DNAH6: variants seen among roughly 807,000 people sequenced by gnomAD.
The protein encoded by DNAH6 is dynein axonemal heavy chain 6, also known as axonemal beta dynein heavy chain 6.
Under a neutral mutation model 491.4 loss-of-function variants are expected in DNAH6, and 340 were observed. That is an observed-to-expected ratio of 0.69 (90% CI 0.63 to 0.76). DNAH6 has a LOEUF of 0.76. Ranked by LOEUF, DNAH6 falls within the 30% of genes least tolerant of loss-of-function variation. The pLI, the probability that DNAH6 is intolerant of heterozygous loss-of-function variation, is 0.00. For missense variants in DNAH6, 4,443 were observed against 4,972.2 expected, an observed-to-expected ratio of 0.89 and a Z score of 3.20; for synonymous variants, 1,603 against 1,686.1, an observed-to-expected ratio of 0.95 and a Z score of 1.21.
chr2:84,681,654 C>T (rs1455746186), intron 42 of DNAH6, 126 bp downstream of exon 42: 8 of 751,282 alleles, frequency 1.1e-5, no homozygotes, highest in Non-Finnish European at 1.3e-5. Context: ...ATCACCTGTT[C>T]CTATTCAGGC....
At chr2:84,554,980 A>G (rs1187605141) in intron 10 of DNAH6, among the ~76,000 whole-genome samples, 1 of 152,234 alleles carries the variant, frequency 6.6e-6, no homozygotes, top group East Asian at 1.9e-4. Flanking sequence ...TGAAACATAC[A>G]TGGTCAAGCT....
At chr2:84,736,097 A>G (rs550809284) in intron 62 of DNAH6, among the ~76,000 whole-genome samples, 1 of 152,120 alleles carries the variant, frequency 6.6e-6, no homozygotes, top group African/African-American at 2.4e-5. Context: ...TTCCCAGCTC[A>G]TTTATTGAAT....
At chr2:84,700,149 G>A (rs543668906) in intron 48 of DNAH6, among the ~76,000 whole-genome samples, 95 of 152,292 alleles carry the variant, frequency 6.2e-4, no homozygotes, top group African/African-American at 2.1e-3. Flanking sequence ...CAAGCGGCAT[G>A]CATGTGTGCT....
At position 84,652,933 on chromosome 2, in the gene DNAH6, T is replaced by C. The variant is rs545161037; in HGVS notation, c.5079-386T>C. ...TATAAATATAATTTTTAAACAAAAT[T>C]TTAAAATAATTTTAAATTTTTAAGT... On this transcript the variant is annotated intron_variant, in intron 33 of 76. Coordinates refer to ENST00000389394, the MANE Select transcript of DNAH6 (RefSeq NM_001370.2). Among the ~76,000 whole-genome samples, 250 of 152,004 alleles carry C rather than the reference T, an allele frequency of 1.6e-3. 1 individual carries two copies. Among genetic ancestry groups the C allele is most frequent in the African/African-American group, 5.6e-3 (232 of 41,570 alleles).
At position 84,557,764 on chromosome 2, in the gene DNAH6, T is replaced by G; in HGVS notation, c.1632T>G (p.Cys544Trp). ...GTATTTTGGGTGCAGTTAATCACTG[T>G]CAAAACACTGTGTTATCAGTTCCTA... Reference protein sequence around the residue: ...LDGILGAVNHCQNTVLSVPNL... With the variant: ...LDGILGAVNHWQNTVLSVPNL... The change falls in exon 11 of 77, where the codon TGT becomes TGG. Residue 544 changes from cysteine to tryptophan, a missense_variant. By Grantham distance (215) the Cys-to-Trp change is radical (BLOSUM62 -2). Transcript: ENST00000389394. 6.2e-7 allele frequency: 1 copy of G among 1,607,014 alleles called. No individual in the cohort carries two copies. Among genetic ancestry groups the G allele is most frequent in the South Asian group, 1.1e-5 (1 of 90,514 alleles).
chr2:84,527,926 C>T (rs1676757240), intron 3 of DNAH6, among the ~76,000 whole-genome samples: 1 of 152,174 alleles, frequency 6.6e-6, no homozygotes, highest in Admixed American at 6.5e-5. Flanking sequence ...AGTTATTCAA[C>T]AAAGCAGTTC....
At chr2:84,757,758 T>C (rs374712843) in intron 63 of DNAH6, among the ~76,000 whole-genome samples, 92 of 152,354 alleles carry the variant, frequency 6.0e-4, no homozygotes, top group African/African-American at 2.0e-3. Flanking sequence ...ACCCTTGGGC[T>C]GGCATGCATA....
At chr2:84,674,297 T>G (rs1693019916) in intron 40 of DNAH6, among the ~76,000 whole-genome samples, 1 of 152,162 alleles carries the variant, frequency 6.6e-6, no homozygotes, top group East Asian at 1.9e-4. Context: ...CCCAGGCCAT[T>G]TGGCTGCTGA....
chr2:84,589,844 A>T (rs1683934789), intron 16 of DNAH6, among the ~76,000 whole-genome samples: 1 of 152,204 alleles, frequency 6.6e-6, no homozygotes, highest in Admixed American at 6.5e-5. Context: ...AAGAAAAGAG[A>T]ATAGAAAAGA....
At chr2:84,635,674 A>G (rs1208346112) in intron 30 of DNAH6, among the ~76,000 whole-genome samples, 2 of 152,188 alleles carry the variant, frequency 1.3e-5, no homozygotes, top group Non-Finnish European at 2.9e-5. Flanking sequence ...AGGAGACAGG[A>G]GAGCATCTGC....
chr2:84,557,232 G>C (rs1680125334), intron 10 of DNAH6, among the ~76,000 whole-genome samples: 1 of 152,110 alleles, frequency 6.6e-6, no homozygotes, highest in Non-Finnish European at 1.5e-5. Context: ...CTCTCAATTA[G>C]AAAACATATG....
chr2:84,535,169 C>G (rs1677566209), intron 4 of DNAH6, among the ~76,000 whole-genome samples: 1 of 151,768 alleles, frequency 6.6e-6, no homozygotes, highest in South Asian at 2.1e-4. Flanking sequence ...ATATTAAGGT[C>G]TACAATTCTC....
rs546558425 is a variant in DNAH6, at chr2:84,657,458, A to C, written c.5758-834A>C. Among the ~76,000 whole-genome samples the C allele has an allele frequency of 3.9e-5, 6 of 152,160 alleles. No homozygotes were observed. The South Asian group carries it at 8.3e-4, about 21-fold the overall frequency. On this transcript the variant is annotated intron_variant, in intron 35 of 76. Coordinates refer to ENST00000389394, the MANE Select transcript of DNAH6 (RefSeq NM_001370.2). Reference sequence around the variant, plus strand: ...GACTATTTAGTCTTCCTATCCATGAATGTGGTATTTCTCTCCATTTATTTA... The same window carrying C: ...GACTATTTAGTCTTCCTATCCATGACTGTGGTATTTCTCTCCATTTATTTA...
At chr2:84,730,018 A>C (rs1419658596) in intron 61 of DNAH6, among the ~76,000 whole-genome samples, 2 of 152,228 alleles carry the variant, frequency 1.3e-5, no homozygotes, top group Non-Finnish European at 2.9e-5. Flanking sequence ...ATGGTGCAGC[A>C]AAAGGGCCCT....
At chr2:84,778,391 A>G (rs553419076) in intron 64 of DNAH6, among the ~76,000 whole-genome samples, 9 of 151,950 alleles carry the variant, frequency 5.9e-5, no homozygotes, top group African/African-American at 2.2e-4. Flanking sequence ...GATTTTAGTT[A>G]TTCTTTTTCT....
At chr2:84,641,924 C>T (rs1159548282) in intron 32 of DNAH6, 23 bp from the exon 33 acceptor site, 6 of 1,527,504 alleles carry the variant, frequency 3.9e-6, no homozygotes, top group Non-Finnish European at 5.3e-6. Flanking sequence ...GTGATATTAT[C>T]CGAAATATTC....
chr2:84,774,472 T>A (rs1202350331), intron 64 of DNAH6, among the ~76,000 whole-genome samples: 1 of 152,150 alleles, frequency 6.6e-6, no homozygotes, highest in Non-Finnish European at 1.5e-5. Context: ...TGTAGCCTTA[T>A]AGTACAGTTT....
At chr2:84,779,076 A>T (rs1422897652) in intron 64 of DNAH6, among the ~76,000 whole-genome samples, 1 of 152,156 alleles carries the variant, frequency 6.6e-6, no homozygotes, top group African/African-American at 2.4e-5. Context: ...TTGATCTTAG[A>T]CTGTGTTCCA....
Position 84,677,088 on chromosome 2 carries a change from G to A in DNAH6, c.6696G>A (p.Met2232Ile). The change falls in exon 41 of 77, where the codon ATG (methionine) becomes ATA (isoleucine). Residue 2232 changes from methionine to isoleucine, a missense_variant. Physicochemically the swap from Met to Ile is conservative, Grantham distance 10. Coordinates refer to ENST00000389394, the MANE Select transcript of DNAH6 (RefSeq NM_001370.2). ...CCCGCTTCATCAGACACTTCAGCAT[G>A]CTGTGCCTCCCAATGCCCTCAGAGC... ...VTPRFIRHFS[M>I]LCLPMPSEHS... 6.4e-7 allele frequency: 1 copy of A among 1,551,726 alleles called. No homozygotes were observed. Among genetic ancestry groups the A allele is most frequent in the Non-Finnish European group, 8.7e-7 (1 of 1,146,970 alleles).
Sources: gnomAD v4.1 joint callset for allele counts (sites outside exome capture counted in the v4.1 genomes callset) on GRCh38, gnomAD v4.1.1 for gene constraint, MANE v1.5 for transcripts, NCBI Gene and HGNC (gene_info 2026-07-23, HGNC 2026-07-21) for gene names.